Variants in MTMR12 observed in about 807,000 individuals in gnomAD.
MTMR12 encodes myotubularin related protein 12.
MTMR12 carries 33 observed loss-of-function variants against 96.7 expected under a neutral mutation model. The observed-to-expected ratio is 0.34, with a 90% CI of 0.26 to 0.46. The LOEUF (loss-of-function observed/expected upper bound fraction) is 0.46, where lower values mean the gene tolerates loss of function less well. Among genes scored for constraint, MTMR12 ranks in the 20% least tolerant of loss-of-function variants. The pLI is 1.00. For missense variants in MTMR12, 721 were observed against 896.1 expected (o/e 0.80, Z 2.49); for synonymous variants, 298 against 327.2 (o/e 0.91, Z 0.96).
intron 3 of MTMR12, among the ~76,000 whole-genome samples, chr5:32,272,577 A>G (rs78795627): frequency 0.047 from 7,099 of 151,966 alleles, 309 homozygotes; most frequent in African/African-American, 0.11. Flanking sequence ...CATGATTTCC[A>G]CATGTTGCCC....
chr5:32,257,471 T>C (rs1369449429), intron 7 of MTMR12, among the ~76,000 whole-genome samples: 1 of 152,080 alleles, frequency 6.6e-6, no homozygotes, highest in Non-Finnish European at 1.5e-5. Flanking sequence ...CTTGAAATTT[T>C]GCATTTAAAA....
At position 32,239,114 on chromosome 5, in the gene MTMR12, G is replaced by C; in HGVS notation, c.1231C>G (p.Pro411Ala). The C allele has an allele frequency of 6.2e-7, 1 of 1,609,730 alleles. No individual in the cohort carries two copies. Among genetic ancestry groups the C allele is most frequent in the Non-Finnish European group, 8.5e-7 (1 of 1,177,976 alleles). The change falls in exon 13 of 16, where the codon CCC becomes GCC. Residue 411 changes from proline to alanine, a missense_variant. Coordinates refer to ENST00000382142, the MANE Select transcript of MTMR12 (RefSeq NM_001040446.3). ...AAACCAATTCTGGTTCTGCAGTGGG[G>C]GTCCATCATCAGTTGCACCAGAGAG... ...ISSLVQLMMD[P>A]HCRTRIGFQS...
intron 2 of MTMR12, among the ~76,000 whole-genome samples, chr5:32,275,677 C>T (rs1473874626): frequency 6.6e-6 from 1 of 152,162 alleles, no homozygotes; most frequent in Non-Finnish European, 1.5e-5. Context: ...CACCGCTGCA[C>T]ACCCACACCT....
intron 1 of MTMR12, among the ~76,000 whole-genome samples, chr5:32,278,663 G>A (rs1750155552): frequency 6.6e-6 from 1 of 152,210 alleles, no homozygotes; most frequent in Non-Finnish European, 1.5e-5. Flanking sequence ...TTATAGTGCA[G>A]GGATGCAGGC....
chr5:32,242,665 T>C (rs1748529676), intron 11 of MTMR12, among the ~76,000 whole-genome samples: 1 of 151,690 alleles, frequency 6.6e-6, no homozygotes, highest in South Asian at 2.1e-4. Context: ...ACGTGTCCTC[T>C]CCTACCCCCC....
At chr5:32,286,249 G>A (rs1274671431) in intron 1 of MTMR12, among the ~76,000 whole-genome samples, 1 of 152,170 alleles carries the variant, frequency 6.6e-6, no homozygotes, top group African/African-American at 2.4e-5. Context: ...TGAGGTAGGT[G>A]GATCACCTTG....
In MTMR12 at chr5:32,230,114, G is replaced by C; in HGVS notation, c.1908C>G (p.Ile636Met). 6.2e-7 allele frequency: 1 copy of C among 1,612,526 alleles called. No homozygotes were observed. Among genetic ancestry groups the C allele is most frequent in the South Asian group, 1.1e-5 (1 of 90,990 alleles). The change falls in exon 16 of 16, where the codon ATC becomes ATG. Residue 636 changes from isoleucine (I) to methionine (M), a missense_variant. By Grantham distance (10) the Ile-to-Met change is conservative. Transcript: ENST00000382142. Reference sequence around the variant, plus strand: ...GTAGGTAGCGCTGGGCCCAGACTTTGATTTCGGGCCCCTCGATATGCGGTA... The same window carrying C: ...GTAGGTAGCGCTGGGCCCAGACTTTCATTTCGGGCCCCTCGATATGCGGTA... ...LLLPHIEGPE[I>M]KVWAQRYLRW...
At chr5:32,275,451 G>A (rs536511767) in intron 2 of MTMR12, among the ~76,000 whole-genome samples, 1 of 152,290 alleles carries the variant, frequency 6.6e-6, no homozygotes, top group South Asian at 2.1e-4. Flanking sequence ...CCCAAGACCA[G>A]GCCAGCCCCG....
intron 9 of MTMR12, 71 bp from the exon 10 acceptor site, chr5:32,248,197 A>G (rs968648130): frequency 1.8e-5 from 27 of 1,538,590 alleles, no homozygotes; most frequent in Non-Finnish European, 2.4e-5. Context: ...ACTACGTGCC[A>G]CAATCTGTGT....
At chr5:32,292,799 A>G (rs1750782600) in intron 1 of MTMR12, among the ~76,000 whole-genome samples, 1 of 152,244 alleles carries the variant, frequency 6.6e-6, no homozygotes, top group Non-Finnish European at 1.5e-5. Context: ...GCTGAAGGCA[A>G]AGGGAATACA....
intron 12 of MTMR12, among the ~76,000 whole-genome samples, chr5:32,239,514 T>C (rs1195274390): frequency 6.6e-6 from 1 of 152,202 alleles, no homozygotes; most frequent in Non-Finnish European, 1.5e-5. Context: ...ACCCACATAA[T>C]GATGACCTGC....
At chr5:32,236,665 CTG>C (rs1484606502) in intron 13 of MTMR12, among the ~76,000 whole-genome samples, 1 of 152,012 alleles carries the variant, frequency 6.6e-6, no homozygotes, top group Non-Finnish European at 1.5e-5. Context: ...TGGTGAAACC[CTG>C]TCTCTACTAA....
At chr5:32,269,412 T>G (rs1448273492) in intron 5 of MTMR12, among the ~76,000 whole-genome samples, 1 of 152,088 alleles carries the variant, frequency 6.6e-6, no homozygotes, top group African/African-American at 2.4e-5. Flanking sequence ...TAAGTGATTC[T>G]CCTACCTCAG....
intron 1 of MTMR12, among the ~76,000 whole-genome samples, chr5:32,298,698 C>T (rs1751015439): frequency 6.6e-6 from 1 of 151,922 alleles, no homozygotes; most frequent in Non-Finnish European, 1.5e-5. Context: ...CCTGTAATCC[C>T]AGCACTTTGG....
At chr5:32,272,752 G>T (rs1224078451) in intron 3 of MTMR12, among the ~76,000 whole-genome samples, 1 of 152,158 alleles carries the variant, frequency 6.6e-6, no homozygotes, top group East Asian at 1.9e-4. Flanking sequence ...GAAGTGTGGG[G>T]AAGTTATGTA....
intron 2 of MTMR12, 124 bp from the exon 3 acceptor site, chr5:32,274,246 C>T (rs1050068883): frequency 1.5e-5 from 17 of 1,166,226 alleles, no homozygotes; most frequent in South Asian, 1.1e-4. Context: ...GGCTTTAGAA[C>T]TTTACACTTT....
intron 6 of MTMR12, among the ~76,000 whole-genome samples, chr5:32,267,618 T>C (rs574113767): frequency 1.8e-4 from 28 of 152,322 alleles, no homozygotes; most frequent in African/African-American, 6.5e-4. Flanking sequence ...GCTCTTCTTA[T>C]GTATAACTGT....
intron 1 of MTMR12, among the ~76,000 whole-genome samples, chr5:32,310,673 G>A (rs1000504662): frequency 6.6e-6 from 1 of 152,162 alleles, no homozygotes; most frequent in Non-Finnish European, 1.5e-5. Context: ...GGGAAGTGGG[G>A]ATGTTTAATG....
intron 5 of MTMR12, among the ~76,000 whole-genome samples, chr5:32,269,577 T>C (rs1291098906): frequency 1.3e-5 from 2 of 152,212 alleles, no homozygotes; most frequent in Non-Finnish European, 2.9e-5. Context: ...AGTGCTGAGA[T>C]TGCAGGCATT....
Sources: gnomAD v4.1 joint callset for allele counts (sites outside exome capture counted in the v4.1 genomes callset) on GRCh38, gnomAD v4.1.1 for gene constraint, MANE v1.5 for transcripts, NCBI Gene and HGNC (gene_info 2026-07-23, HGNC 2026-07-21) for gene names.